The following CNOT4 variants were observed in gnomAD, a reference collection of about 807,000 sequenced individuals.
CNOT4 encodes the protein CCR4-NOT transcription complex subunit 4, also known as CCR4-associated factor 4.
Under a neutral mutation model 73.8 loss-of-function variants are expected in CNOT4, and 8 were observed. The observed-to-expected ratio is 0.11, with a 90% CI of 0.06 to 0.20. The LOEUF (loss-of-function observed/expected upper bound fraction) is 0.20. Among genes scored for constraint, CNOT4 ranks in the 10% least tolerant of loss-of-function variants. The pLI, the probability that CNOT4 is intolerant of heterozygous loss-of-function variation, is 1.00. For synonymous variants in CNOT4, 293 were observed against 321.1 expected, an observed-to-expected ratio of 0.91 and a Z score of 0.94; for missense variants, 564 against 883.4, an observed-to-expected ratio of 0.64 and a Z score of 4.58.
At chr7:135,390,167 T>C (rs574667482) in intron 10 of CNOT4, among the ~76,000 whole-genome samples, 2 of 152,018 alleles carry the variant, frequency 1.3e-5, no homozygotes, top group South Asian at 2.1e-4. Flanking sequence ...GCAAAAACAA[T>C]TGCCACGGGA....
intron 2 of CNOT4, among the ~76,000 whole-genome samples, chr7:135,433,082 T>A (rs73158937): frequency 6.6e-6 from 1 of 152,172 alleles, no homozygotes; most frequent in Non-Finnish European, 1.5e-5. Context: ...GGATGATTAC[T>A]TCCCCTCTGT....
At chr7:135,418,260 A>T (rs1025030991) in intron 3 of CNOT4, among the ~76,000 whole-genome samples, 1 of 152,236 alleles carries the variant, frequency 6.6e-6, no homozygotes, top group African/African-American at 2.4e-5. Context: ...GATTCTGCCT[A>T]AACAACTAGC....
intron 7 of CNOT4, among the ~76,000 whole-genome samples, chr7:135,408,485 A>C (rs1263172060): frequency 6.6e-6 from 1 of 152,200 alleles, no homozygotes; most frequent in Non-Finnish European, 1.5e-5. Flanking sequence ...ATACACTAAC[A>C]CTTTACAAAT....
At chr7:135,426,597 C>G (rs1029103577) in intron 2 of CNOT4, among the ~76,000 whole-genome samples, 2 of 112,684 alleles carry the variant, frequency 1.8e-5, no homozygotes, top group Non-Finnish European at 3.9e-5. Flanking sequence ...AGCAAGACTC[C>G]GTCTCAAAAA....
intron 1 of CNOT4, among the ~76,000 whole-genome samples, chr7:135,506,905 C>G (rs1469319346): frequency 6.6e-6 from 1 of 150,890 alleles, no homozygotes; most frequent in African/African-American, 2.4e-5. Flanking sequence ...TTTTCTCATA[C>G]AAAACAACAA....
At chr7:135,405,641 G>A (rs976356755) in intron 7 of CNOT4, among the ~76,000 whole-genome samples, 9 of 152,212 alleles carry the variant, frequency 5.9e-5, no homozygotes, top group Middle Eastern at 3.4e-3. Flanking sequence ...ATATACTCTC[G>A]AATTCATAAT....
chr7:135,409,828 C>A (rs1797496887), intron 7 of CNOT4, among the ~76,000 whole-genome samples: 1 of 151,884 alleles, frequency 6.6e-6, no homozygotes, highest in African/African-American at 2.4e-5. Flanking sequence ...ATAAAATTCC[C>A]AAATTATATT....
intron 1 of CNOT4, among the ~76,000 whole-genome samples, chr7:135,485,560 T>C (rs1158738731): frequency 2.0e-5 from 3 of 152,136 alleles, no homozygotes; most frequent in African/African-American, 7.2e-5. Context: ...TATAGACTAA[T>C]AGAACAGAAC....
chr7:135,464,958 A>G (rs769798768), intron 1 of CNOT4, among the ~76,000 whole-genome samples: 1 of 152,098 alleles, frequency 6.6e-6, no homozygotes, highest in Non-Finnish European at 1.5e-5. Flanking sequence ...GATTAAAGCT[A>G]CTAATTTGAA....
At chr7:135,472,559 A>AT (rs1585699249) in intron 1 of CNOT4, among the ~76,000 whole-genome samples, 4 of 104,204 alleles carry the variant, frequency 3.8e-5, no homozygotes, top group Non-Finnish European at 7.6e-5. Context: ...ATATATATAT[A>AT]AAGTGATCCT....
chr7:135,485,789 T>C (rs1467625426), intron 1 of CNOT4, among the ~76,000 whole-genome samples: 1 of 152,174 alleles, frequency 6.6e-6, no homozygotes, highest in Non-Finnish European at 1.5e-5. Context: ...GATCCAAATG[T>C]TATCACACAC....
At chr7:135,492,004 G>A (rs140108984) in intron 1 of CNOT4, among the ~76,000 whole-genome samples, 5 of 152,302 alleles carry the variant, frequency 3.3e-5, no homozygotes, top group East Asian at 3.9e-4. Flanking sequence ...GAGTACAGAT[G>A]TAGTCAATAC....
chr7:135,410,271 T>C (rs112460189), intron 7 of CNOT4, among the ~76,000 whole-genome samples: 5,360 of 152,134 alleles, frequency 0.035, 324 homozygotes, highest in African/African-American at 0.12. Flanking sequence ...GGGCTCAGAG[T>C]AGTCTGCAAA....
chr7:135,388,418 A>G, intron 10 of CNOT4: 3 of 984,014 alleles, frequency 3.0e-6, no homozygotes, highest in African/African-American at 1.7e-5. Flanking sequence ...AGATTAGGAT[A>G]TTATTTTTTC....
At chr7:135,394,730 C>T (rs1335228040) in intron 9 of CNOT4, among the ~76,000 whole-genome samples, 1 of 152,028 alleles carries the variant, frequency 6.6e-6, no homozygotes, top group Non-Finnish European at 1.5e-5. Context: ...TAAGTCACTT[C>T]CATCAAATAA....
intron 10 of CNOT4, among the ~76,000 whole-genome samples, chr7:135,385,325 C>A (rs965509109): frequency 1.3e-5 from 2 of 152,194 alleles, no homozygotes; most frequent in Admixed American, 6.5e-5. Flanking sequence ...CTGCCCTATC[C>A]CAACCCCTAT....
intron 10 of CNOT4, chr7:135,384,685 T>C: frequency 1.3e-6 from 1 of 765,338 alleles, no homozygotes; most frequent in Non-Finnish European, 2.4e-6. Flanking sequence ...CTATCTTCTC[T>C]TCAGCACTGC....
At chr7:135,447,951 T>A (rs575895203) in intron 1 of CNOT4, among the ~76,000 whole-genome samples, 1 of 152,102 alleles carries the variant, frequency 6.6e-6, no homozygotes, top group African/African-American at 2.4e-5. Flanking sequence ...GATAAAAAGC[T>A]GGGTGTGGTC....
chr7:135,413,979 C>T (rs1481555358), intron 5 of CNOT4, among the ~76,000 whole-genome samples: 1 of 152,008 alleles, frequency 6.6e-6, no homozygotes, highest in African/African-American at 2.4e-5. Flanking sequence ...AACAGTAAAG[C>T]TTTGCTTAGT....
Sources: allele counts gnomAD v4.1 joint callset (sites outside exome capture counted in the v4.1 genomes callset), GRCh38; gene constraint gnomAD v4.1.1; transcripts MANE v1.5; gene names NCBI Gene and HGNC (gene_info 2026-07-23, HGNC 2026-07-21).